The following RNLS variants were observed in gnomAD, a reference collection of about 807,000 sequenced individuals.
The protein encoded by RNLS is renalase.
RNLS carries 39 observed loss-of-function variants against 39.8 expected under a neutral mutation model. The observed-to-expected ratio is 0.98, with a 90% CI of 0.76 to 1.28. The LOEUF (loss-of-function observed/expected upper bound fraction) is 1.28. Ranked by LOEUF, RNLS falls within the 50% of genes most tolerant of loss-of-function variation. RNLS has a pLI of 0.00. For missense variants in RNLS, 410 were observed against 413.3 expected, an observed-to-expected ratio of 0.99 and a Z score of 0.07; for synonymous variants, 147 against 150.7, an observed-to-expected ratio of 0.98 and a Z score of 0.18.
At chr10:88,416,553 C>T (rs948313161) in intron 4 of RNLS, among the ~76,000 whole-genome samples, 6 of 152,068 alleles carry the variant, frequency 3.9e-5, no homozygotes, top group Non-Finnish European at 8.8e-5. Context: ...GCGCCCAGCC[C>T]TGAATTATAT....
chr10:88,486,750 T>C (rs906093554), intron 4 of RNLS, among the ~76,000 whole-genome samples: 3 of 152,302 alleles, frequency 2.0e-5, no homozygotes, highest in Admixed American at 6.5e-5. Flanking sequence ...GGAACACTTA[T>C]ACATTGTTGG....
In RNLS at chr10:88,494,037, A is replaced by C. The variant is rs189829383; in HGVS notation, c.526+78866T>G. Among the ~76,000 whole-genome samples the C allele has an allele frequency of 2.6e-4, 40 of 152,272 alleles. No individual in the cohort carries two copies. In the East Asian group the frequency reaches 6.9e-3, roughly 26 times the overall value. ...ATGCCAAGAGCCATGCATGATATGC[A>C]CAGTAGACACACACACAAAAATAAG... On this transcript the variant is annotated intron_variant, in intron 4 of 6. Transcript: ENST00000331772.
chr10:88,453,373 AGAAG>A (rs2133904478), intron 4 of RNLS, among the ~76,000 whole-genome samples: 1 of 152,346 alleles, frequency 6.6e-6, no homozygotes, highest in East Asian at 1.9e-4. Context: ...ACTGGGTGAT[AGAAG>A]GGTCTAAAGG....
chr10:88,315,949 C>A (rs1443631061), intron 5 of RNLS, among the ~76,000 whole-genome samples: 1 of 152,046 alleles, frequency 6.6e-6, no homozygotes, highest in East Asian at 1.9e-4. Flanking sequence ...CGTAAAGCTT[C>A]CTCAGTGTTG....
intron 4 of RNLS, among the ~76,000 whole-genome samples, chr10:88,511,170 G>C (rs533802016): frequency 6.6e-6 from 1 of 152,208 alleles, no homozygotes; most frequent in East Asian, 1.9e-4. Context: ...ACCGTTGTTA[G>C]GTTCCAAGCC....
intron 4 of RNLS, among the ~76,000 whole-genome samples, chr10:88,438,317 A>G (rs1009248285): frequency 7.2e-5 from 11 of 152,138 alleles, no homozygotes; most frequent in Non-Finnish European, 1.2e-4. Context: ...TGGTGACTTT[A>G]TTGAGCTGCT....
chr10:88,313,363 C>G (rs1845527120), intron 6 of RNLS, among the ~76,000 whole-genome samples: 1 of 152,026 alleles, frequency 6.6e-6, no homozygotes, highest in African/African-American at 2.4e-5. Flanking sequence ...TCCCTGTTTT[C>G]TTTTTCAAGC....
chr10:88,503,251 C>T (rs1845602151), intron 4 of RNLS, among the ~76,000 whole-genome samples: 1 of 152,082 alleles, frequency 6.6e-6, no homozygotes, highest in Admixed American at 6.6e-5. Flanking sequence ...CATGGTGGCA[C>T]ATGCCTGTAA....
chr10:88,358,313 C>A (rs778332489), intron 5 of RNLS, among the ~76,000 whole-genome samples: 35 of 152,184 alleles, frequency 2.3e-4, no homozygotes, highest in Non-Finnish European at 4.1e-4. Context: ...ATCTGGCCTA[C>A]AATTCCTGCC....
chr10:88,342,649 T>C (rs1418209964), intron 5 of RNLS, among the ~76,000 whole-genome samples: 15 of 152,040 alleles, frequency 9.9e-5, no homozygotes, highest in Admixed American at 9.8e-4. Flanking sequence ...AATATAAGTA[T>C]AAAATAAATC....
At chr10:88,413,609 C>T (rs1300777650) in intron 4 of RNLS, among the ~76,000 whole-genome samples, 4 of 152,200 alleles carry the variant, frequency 2.6e-5, no homozygotes, top group Admixed American at 2.6e-4. Context: ...TAGGTCCAAA[C>T]TATTAAGCAT....
chr10:88,283,167 G>A (rs546169424), downstream of RNLS, among the ~76,000 whole-genome samples: 2 of 152,130 alleles, frequency 1.3e-5, no homozygotes. Context: ...TGGCTTCCAG[G>A]AGGAGATATT....
chr10:88,482,417 C>T (rs1264033765), intron 4 of RNLS, among the ~76,000 whole-genome samples: 1 of 152,128 alleles, frequency 6.6e-6, no homozygotes, highest in Admixed American at 6.6e-5. Flanking sequence ...CCTATCATCT[C>T]AAATCTGCTA....
the RNLS span, among the ~76,000 whole-genome samples, chr10:88,209,389 A>G: frequency 6.6e-6 from 1 of 152,158 alleles, no homozygotes; most frequent in African/African-American, 2.4e-5. Context: ...CGAGACATCC[A>G]GGGACAACAC....
At position 88,563,067 on chromosome 10, in the gene RNLS, C is replaced by A. The variant is rs1008267373; in HGVS notation, c.526+9836G>T. Among the ~76,000 whole-genome samples, 5 of 151,968 alleles carry A rather than the reference C, an allele frequency of 3.3e-5. No individual in the cohort carries two copies. In the South Asian group the frequency reaches 6.2e-4, roughly 19 times the overall value. ...ATTTTACTGAGGACATTAAAAATAC[C>A]TAAATAAGTGGAGAAATGTTTCATT... On this transcript the variant is annotated intron_variant, in intron 4 of 6. Transcript: ENST00000331772.
downstream of RNLS, among the ~76,000 whole-genome samples, chr10:88,282,678 C>T (rs575281665): frequency 6.6e-6 from 1 of 152,020 alleles, no homozygotes; most frequent in Non-Finnish European, 1.5e-5. Flanking sequence ...GCCCTCCCCC[C>T]AGTAATATCT....
intron 5 of RNLS, among the ~76,000 whole-genome samples, chr10:88,337,817 TTCTAGTGTGTGAAGCCTTTAGTACTGTG>T (rs1847621228): frequency 2.0e-5 from 3 of 152,212 alleles, no homozygotes; most frequent in Admixed American, 2.0e-4. Flanking sequence ...ACTTAAACTA[TTCTAGTGTGTGAAGCCTTTAGTACTGTG>T]TCTGGCATAT....
chr10:88,183,677 G>T, the RNLS span, among the ~76,000 whole-genome samples: 1 of 152,046 alleles, frequency 6.6e-6, no homozygotes, highest in Non-Finnish European at 1.5e-5. Context: ...AGATTGATCT[G>T]TATAATATCA....
At chr10:88,377,481 C>A (rs1251583858) in intron 4 of RNLS, among the ~76,000 whole-genome samples, 1 of 152,146 alleles carries the variant, frequency 6.6e-6, no homozygotes, top group East Asian at 1.9e-4. Context: ...TAACCTACTA[C>A]ATACCTAGGC....
Sources: allele counts gnomAD v4.1 joint callset (sites outside exome capture counted in the v4.1 genomes callset), GRCh38; gene constraint gnomAD v4.1.1; transcripts MANE v1.5; gene names NCBI Gene and HGNC (gene_info 2026-07-23, HGNC 2026-07-21).